The following KRT84 variants were observed in gnomAD, a reference collection of about 807,000 sequenced individuals.
KRT84 encodes keratin 84.
KRT84 carries 38 observed loss-of-function variants against 49.0 expected under a neutral mutation model. The ratio of observed to expected loss-of-function variants is 0.78; its 90% CI spans 0.60 to 1.02. The LOEUF is 1.02. Ranked by LOEUF, KRT84 falls within the 50% of genes least tolerant of loss-of-function variation. The pLI, the probability that KRT84 is intolerant of heterozygous loss-of-function variation, is 0.00. For synonymous variants in KRT84, 334 were observed against 312.8 expected (o/e 1.07, Z -0.72); for missense variants, 860 against 788.6 (o/e 1.09, Z -1.08).
chr12:52,378,023 G>A lies in KRT84; in HGVS notation c.*11C>T. On this transcript the variant is annotated 3_prime_UTR_variant, in exon 9 of 9. Coordinates refer to ENST00000257951, the MANE Select transcript of KRT84 (RefSeq NM_033045.4). ...TTCTTCTCTGGGCAGCAGCTGTCTGGGGCTGGGCTCTCAGTACTTGGTCCG... is the reference window on the plus strand; with the variant it reads ...TTCTTCTCTGGGCAGCAGCTGTCTGAGGCTGGGCTCTCAGTACTTGGTCCG... 6.9e-7 allele frequency: 1 copy of A among 1,449,238 alleles called. No individual in the cohort carries two copies. The highest frequency in any genetic ancestry group is 1.5e-5 in the African/African-American group (1 of 68,364). The allele number at this position is 1,449,238 out of a possible 1,614,324, so 89.8% of individuals were successfully genotyped here. A position where few individuals can be genotyped will look rare whatever the true frequency, so the allele number is the denominator to read the frequency against.
At chr12:52,381,057 T>A in intron 6 of KRT84, 23 bp downstream of exon 6, 1 of 1,612,032 alleles carries the variant, frequency 6.2e-7, no homozygotes, top group Non-Finnish European at 8.5e-7. Context: ...CATCTGAGGC[T>A]TTCCCTCCTT....
intron 8 of KRT84, 94 bp downstream of exon 8, chr12:52,379,782 A>G (rs1939447621): frequency 9.9e-6 from 10 of 1,014,976 alleles, no homozygotes; most frequent in Non-Finnish European, 1.4e-5. Context: ...CAGACCGGCC[A>G]TGTCGGACGC....
At chr12:52,380,266 A>G (rs905358149) in intron 7 of KRT84, 97 bp downstream of exon 7, 5 of 1,393,362 alleles carry the variant, frequency 3.6e-6, no homozygotes, top group Non-Finnish European at 3.9e-6. Context: ...TTTAAAGACT[A>G]TGTATTTCTG....
Position 52,378,088 on chromosome 12 carries a change from G to A in KRT84, c.1749C>T (p.Arg583=), listed in dbSNP as rs1939415819. 2 of 1,498,708 alleles carry A rather than the reference G, an allele frequency of 1.3e-6. No homozygotes were observed. Among genetic ancestry groups the A allele is most frequent in the South Asian group, 1.4e-5 (1 of 71,778 alleles). 92.8% of individuals were successfully genotyped at this position (1,498,708 alleles called of 1,614,324 possible). ...TGGACACAAAGCGGACGCTGGAGCT[G>A]CGGCCGCCGCTGCAGCTGCTGAAGC... ...QGGFSSCSGG[R]SSSVRFVSTT... is the part of the protein sequence containing the mutation. Residue 583 remains arginine, a synonymous_variant, in exon 9 of 9, where the codon CGC becomes CGT. Transcript: ENST00000257951.
chr12:52,380,162 T>A (rs1939455632), intron 7 of KRT84, among the ~76,000 whole-genome samples: 1 of 152,252 alleles, frequency 6.6e-6, no homozygotes. Flanking sequence ...GCAGCTTATC[T>A]AGACTTGCAT....
chr12:52,383,613 A>G lies in KRT84; in HGVS notation c.732T>C (p.Asp244=), dbSNP rs947359655. The G allele has an allele frequency of 1.2e-6, 2 of 1,613,374 alleles. No homozygotes were observed. Among genetic ancestry groups the G allele is most frequent in the African/African-American group, 2.7e-5 (2 of 75,022 alleles). The change falls in exon 2 of 9, where the codon GAT becomes GAC. Residue 244 remains aspartate, a synonymous_variant. Coordinates refer to ENST00000257951, the MANE Select transcript of KRT84 (RefSeq NM_033045.4). ...ACTTCTTCTTGAAGCCCTCTAGGAC[A>G]TCCTGCAGGTGGTTCCTCTCAGCCT... The part of the protein sequence containing the change: ...RLQAERNHLQ[D]VLEGFKKKYE...
chr12:52,378,081 T>A lies in KRT84; in HGVS notation c.1756A>T (p.Ser586Cys). ...GTGGTGGTGGACACAAAGCGGACGC[T>A]GGAGCTGCGGCCGCCGCTGCAGCTG... ...FSSCSGGRSS[S>C]VRFVSTTTSC... Residue 586 changes from serine to cysteine, a missense_variant, in exon 9 of 9, where the codon AGC (serine) becomes TGC (cysteine). Coordinates refer to ENST00000257951, the MANE Select transcript of KRT84 (RefSeq NM_033045.4). The A allele has an allele frequency of 6.7e-7, 1 of 1,501,570 alleles. No individual in the cohort carries two copies. The allele number at this position is 1,501,570 out of a possible 1,614,324, so 93.0% of individuals were successfully genotyped here. A position where few individuals can be genotyped will look rare whatever the true frequency, so the allele number is the denominator to read the frequency against.
intron 6 of KRT84, 31 bp downstream of exon 6, chr12:52,381,049 T>C: frequency 1.2e-6 from 2 of 1,610,502 alleles, no homozygotes. Flanking sequence ...TTCTCCCTCA[T>C]CTGAGGCTTT....
At chr12:52,378,867 T>A (rs2121430421) in intron 8 of KRT84, among the ~76,000 whole-genome samples, 1 of 152,348 alleles carries the variant, frequency 6.6e-6, no homozygotes, top group South Asian at 2.1e-4. Context: ...GACCCACTGG[T>A]GGCTGTGCTC....
rs760735707 is a variant in KRT84, at chr12:52,380,487, G to C, written c.1300C>G (p.Leu434Val). The C allele has an allele frequency of 1.6e-5, 26 of 1,613,920 alleles. No individual in the cohort carries two copies. The highest frequency in any genetic ancestry group is 2.2e-5 in the Non-Finnish European group (26 of 1,179,906). Residue 434 changes from leucine to valine, a missense_variant, in exon 7 of 9, where the codon CTG becomes GTG. Leu to Val is a conservative substitution (Grantham distance 32). Transcript: ENST00000257951. ...KCKLADLECA[L>V]QQAKQDMARQ... ...GCCATGTCCTGCTTGGCCTGCTGCA[G>C]GGCACACTCCAGATCTGCCAGCTTG...
chr12:52,379,768 TGGCCAGA>T (rs1172199974), intron 8 of KRT84, 101 bp downstream of exon 8: 2 of 871,032 alleles, frequency 2.3e-6, no homozygotes, highest in Non-Finnish European at 3.9e-6. Flanking sequence ...CTGACTGTCG[TGGCCAGA>T]CCGGCCATGT....
chr12:52,382,576 G>T, intron 3 of KRT84, 44 bp from the exon 4 acceptor site: 2 of 1,477,272 alleles, frequency 1.4e-6, no homozygotes, highest in Non-Finnish European at 1.9e-6. Flanking sequence ...CCTGGGCACT[G>T]TTTCACCTTC....
intron 1 of KRT84, among the ~76,000 whole-genome samples, chr12:52,384,243 G>A (rs1029068941): frequency 1.3e-5 from 1 of 76,460 alleles, no homozygotes; most frequent in Non-Finnish European, 2.3e-5. Context: ...ATCCAACATC[G>A]CAGATATTCC....
Position 52,381,105 on chromosome 12 carries a change from G to C in KRT84, c.1178C>G (p.Ala393Gly). ...CTGAGCCTTGGCGTGCTCAATCTCT[G>C]CCTTAAGCCTCTGGATCAGGCGGGT... The part of the protein sequence containing the change: ...ELTRLIQRLK[A>G]EIEHAKAQRA... Residue 393 changes from alanine (A) to glycine (G), a missense_variant, in exon 6 of 9, where the codon GCA becomes GGA. Transcript: ENST00000257951. The C allele has an allele frequency of 6.2e-7, 1 of 1,614,016 alleles. No homozygotes were observed. Among genetic ancestry groups the C allele is most frequent in the Non-Finnish European group, 8.5e-7 (1 of 1,180,008 alleles).
chr12:52,383,678 T>A lies in KRT84; in HGVS notation c.667A>T (p.Arg223Trp), dbSNP rs926110429. 3 of 1,614,198 alleles carry A rather than the reference T, an allele frequency of 1.9e-6. No individual in the cohort carries two copies. The highest frequency in any genetic ancestry group is 2.5e-6 in the Non-Finnish European group (3 of 1,180,042). Residue 223 changes from arginine to tryptophan, a missense_variant, in exon 2 of 9, where the codon AGG (arginine) becomes TGG (tryptophan). Transcript: ENST00000257951. The stretch of plus-strand genomic sequence containing the variant: ...TCACTGACCAGCACCTCCAACTGCC[T>A]CCGCAGGTTGGTGATGTAGCTCTCG... ...LFESYITNLR[R>W]QLEVLVSDQA...
rs868559105 is a variant in KRT84, at chr12:52,383,894, T to A, written c.547-96A>T. ...GATGGCCAGCGATGACTTGACCACA[T>A]GTCGACAGGGTTCTCTCCTCTGCTG... On this transcript the variant is annotated intron_variant, in intron 1 of 8. Transcript: ENST00000257951. 20 of 978,316 alleles carry A rather than the reference T, an allele frequency of 2.0e-5. No individual in the cohort carries two copies. In the Middle Eastern group the frequency reaches 1.1e-3, roughly 55 times the overall value. The allele number at this position is 978,316 out of a possible 1,614,324, so 60.6% of individuals were successfully genotyped here. A position where few individuals can be genotyped will look rare whatever the true frequency, so the allele number is the denominator to read the frequency against.
At chr12:52,380,849 C>T (rs1033425895) in intron 6 of KRT84, among the ~76,000 whole-genome samples, 1 of 152,174 alleles carries the variant, frequency 6.6e-6, no homozygotes, top group African/African-American at 2.4e-5. Context: ...TAAATTTATT[C>T]TTTCTGTACC....
Sources: allele counts gnomAD v4.1 joint callset (sites outside exome capture counted in the v4.1 genomes callset), GRCh38; gene constraint gnomAD v4.1.1; transcripts MANE v1.5; gene names NCBI Gene and HGNC (gene_info 2026-07-23, HGNC 2026-07-21).